The following ARK2C variants were observed in gnomAD, a reference collection of about 807,000 sequenced individuals.
ARK2C encodes arkadia (RNF111) C-terminal like ring finger ubiquitin ligase 2C.
chr18:46,416,241 C>G, the ARK2C span, among the ~76,000 whole-genome samples: 1 of 152,164 alleles, frequency 6.6e-6, no homozygotes, highest in East Asian at 1.9e-4. Flanking sequence ...ACTATAAACT[C>G]TTGAGACAGC....
the ARK2C span, among the ~76,000 whole-genome samples, chr18:46,354,956 T>C: frequency 6.6e-6 from 1 of 152,182 alleles, no homozygotes; most frequent in African/African-American, 2.4e-5. Flanking sequence ...TTTTAATATA[T>C]ACATATTTTT....
chr18:46,384,357 G>T, the ARK2C span, among the ~76,000 whole-genome samples: 2 of 152,146 alleles, frequency 1.3e-5, no homozygotes, highest in South Asian at 2.1e-4. Context: ...GTATGTGTGT[G>T]GGGGGGATTC....
the ARK2C span, chr18:46,457,593 G>C: frequency 6.5e-6 from 1 of 152,722 alleles, no homozygotes; most frequent in Non-Finnish European, 1.5e-5. Flanking sequence ...AAACCAGGGA[G>C]GGCTCGGCCC....
chr18:46,371,831 C>A, the ARK2C span, among the ~76,000 whole-genome samples: 69 of 152,292 alleles, frequency 4.5e-4, no homozygotes, highest in African/African-American at 1.6e-3. Flanking sequence ...TACCTGTGTC[C>A]AAGGCCCTTT....
the ARK2C span, among the ~76,000 whole-genome samples, chr18:46,385,555 C>G: frequency 6.6e-6 from 1 of 152,178 alleles, no homozygotes; most frequent in African/African-American, 2.4e-5. Context: ...CTGCTCCTGT[C>G]TGCTGATAGG....
At chr18:46,434,820 T>A in the ARK2C span, among the ~76,000 whole-genome samples, 1 of 151,990 alleles carries the variant, frequency 6.6e-6, no homozygotes, top group African/African-American at 2.4e-5. Context: ...GAGGCCTTCC[T>A]GGAGGAGGAA....
the ARK2C span, among the ~76,000 whole-genome samples, chr18:46,401,531 A>T: frequency 6.6e-6 from 1 of 152,304 alleles, no homozygotes; most frequent in South Asian, 2.1e-4. Flanking sequence ...TTTGCCCATG[A>T]TCACCCTGCT....
At chr18:46,414,701 C>T in the ARK2C span, among the ~76,000 whole-genome samples, 1 of 152,190 alleles carries the variant, frequency 6.6e-6, no homozygotes, top group African/African-American at 2.4e-5. Context: ...TGCACATACA[C>T]ACAGCCTTGA....
chr18:46,347,817 A>G, the ARK2C span, among the ~76,000 whole-genome samples: 1 of 152,112 alleles, frequency 6.6e-6, no homozygotes, highest in East Asian at 1.9e-4. Context: ...AATGGGAATA[A>G]TTACAGCAAG....
the ARK2C span, among the ~76,000 whole-genome samples, chr18:46,439,109 A>G: frequency 6.6e-6 from 1 of 152,102 alleles, no homozygotes; most frequent in African/African-American, 2.4e-5. Context: ...AAAGAGGAGG[A>G]TGGGGCCAGA....
the ARK2C span, chr18:46,334,280 C>T: frequency 6.4e-7 from 1 of 1,571,620 alleles, no homozygotes; most frequent in Non-Finnish European, 8.6e-7. This position sits in a 1 kb window ranked among gnomAD's most constrained non-coding sequence, Gnocchi z 4.4. Flanking sequence ...CCAGGATGGT[C>T]CTGGTCCACG....
At chr18:46,376,664 C>CTTTTTT in the ARK2C span, among the ~76,000 whole-genome samples, 208 of 72,258 alleles carry the variant, frequency 2.9e-3, 12 homozygotes, top group African/African-American at 3.3e-3. Context: ...GGTTAATAAT[C>CTTTTTT]TTTTTTTTTT....
the ARK2C span, among the ~76,000 whole-genome samples, chr18:46,446,018 G>A: frequency 2.6e-5 from 4 of 151,490 alleles, 1 homozygote; most frequent in Admixed American, 2.6e-4. Context: ...ATGTTCCTTA[G>A]TTTCTTGTAT....
At chr18:46,378,963 A>G in the ARK2C span, among the ~76,000 whole-genome samples, 1 of 152,154 alleles carries the variant, frequency 6.6e-6, no homozygotes, top group Non-Finnish European at 1.5e-5. Flanking sequence ...CATATGTCAA[A>G]TGAAGGGACC....
At chr18:46,381,040 G>A in the ARK2C span, among the ~76,000 whole-genome samples, 3 of 152,248 alleles carry the variant, frequency 2.0e-5, no homozygotes, top group African/African-American at 7.2e-5. Context: ...GTGTGGGAGT[G>A]TGGGGGAAGC....
At chr18:46,366,055 G>A in the ARK2C span, among the ~76,000 whole-genome samples, 4 of 152,066 alleles carry the variant, frequency 2.6e-5, no homozygotes, top group African/African-American at 9.7e-5. Flanking sequence ...CACTTTGGGA[G>A]GCCAAGGAGG....
the ARK2C span, chr18:46,433,332 G>T: frequency 6.2e-7 from 1 of 1,612,370 alleles, no homozygotes; most frequent in Non-Finnish European, 8.5e-7. Flanking sequence ...GCGCCCACAT[G>T]GCCCCGGCCC....
At chr18:46,406,662 G>A in the ARK2C span, among the ~76,000 whole-genome samples, 35 of 152,362 alleles carry the variant, frequency 2.3e-4, no homozygotes, top group Admixed American at 1.2e-3. Context: ...TGCCCTGGCT[G>A]ACAAGTTTGA....
At chr18:46,342,460 G>T in the ARK2C span, among the ~76,000 whole-genome samples, 2 of 152,214 alleles carry the variant, frequency 1.3e-5, no homozygotes, top group Non-Finnish European at 2.9e-5. Context: ...CCTGAGCCTT[G>T]CACATCCCAA....
Sources: gnomAD v4.1 joint callset for allele counts (sites outside exome capture counted in the v4.1 genomes callset) on GRCh38, gnomAD v4.1.1 for gene constraint, Gnocchi (gnomAD v3.1) non-coding constraint, MANE v1.5 for transcripts, NCBI Gene and HGNC (gene_info 2026-07-23, HGNC 2026-07-21) for gene names.